Variants in FER observed in about 807,000 individuals in gnomAD.
FER encodes FER tyrosine kinase, also known as tyrosine-protein kinase Fer.
Under a neutral mutation model 111.0 loss-of-function variants are expected in FER, and 63 were observed. The ratio of observed to expected loss-of-function variants is 0.57; its 90% CI spans 0.46 to 0.70. The LOEUF (loss-of-function observed/expected upper bound fraction) is 0.70. Ranked by LOEUF, FER falls within the 30% of genes least tolerant of loss-of-function variation. FER has a pLI of 0.00. For missense variants in FER, 914 were observed against 954.0 expected (o/e 0.96, Z 0.55); for synonymous variants, 327 against 313.9 (o/e 1.04, Z -0.44).
At chr5:108,952,304 A>AT (rs1056497250) in intron 11 of FER, among the ~76,000 whole-genome samples, 6 of 140,622 alleles carry the variant, frequency 4.3e-5, no homozygotes, top group East Asian at 4.3e-4. Flanking sequence ...GGGATGTTAC[A>AT]TTTTTTTTGC....
intron 16 of FER, among the ~76,000 whole-genome samples, chr5:109,077,602 T>G (rs1319763630): frequency 6.6e-6 from 1 of 152,198 alleles, no homozygotes; most frequent in Admixed American, 6.5e-5. Context: ...CTTTGTAAAC[T>G]CTGTCATTAA....
At chr5:108,827,934 A>C (rs571472204) in intron 3 of FER, among the ~76,000 whole-genome samples, 3 of 151,186 alleles carry the variant, frequency 2.0e-5, no homozygotes, top group African/African-American at 2.4e-5. Context: ...GCTTAAGGGA[A>C]TCTTCCAACC....
At chr5:108,977,961 T>C (rs1387061197) in intron 13 of FER, among the ~76,000 whole-genome samples, 1 of 152,296 alleles carries the variant, frequency 6.6e-6, no homozygotes, top group East Asian at 1.9e-4. Context: ...TCCTCCTGCC[T>C]CAGCCTCCCG....
intron 1 of FER, among the ~76,000 whole-genome samples, chr5:108,749,814 CT>C (rs1280203174): frequency 6.6e-6 from 1 of 152,152 alleles, no homozygotes; most frequent in Non-Finnish European, 1.5e-5. Context: ...ACAGTTACCC[CT>C]AGGATCTACT....
intron 17 of FER, among the ~76,000 whole-genome samples, chr5:109,106,028 C>G (rs1430326974): frequency 6.6e-6 from 1 of 152,164 alleles, no homozygotes; most frequent in Admixed American, 6.5e-5. Context: ...ATATTAAAAA[C>G]AAGTGGTAGT....
intron 17 of FER, among the ~76,000 whole-genome samples, chr5:109,141,197 C>CT (rs1561947031): frequency 6.6e-6 from 1 of 152,084 alleles, no homozygotes; most frequent in Non-Finnish European, 1.5e-5. Context: ...CAAAGATTTC[C>CT]TTTTTTGAAA....
chr5:109,186,427 G>C (rs1394577621), intron 19 of FER, 105 bp downstream of exon 19: 1 of 1,535,886 alleles, frequency 6.5e-7, no homozygotes. Context: ...CTGTTTGGTT[G>C]TGTTATGAGA....
At chr5:108,973,567 C>T (rs939892908) in intron 13 of FER, among the ~76,000 whole-genome samples, 15 of 151,690 alleles carry the variant, frequency 9.9e-5, no homozygotes, top group African/African-American at 3.6e-4. Context: ...AGCAGGAATA[C>T]CCATAGAGAG....
Position 109,103,712 on chromosome 5 carries a change from G to A in FER, c.2048+3193G>A, listed in dbSNP as rs553028491. On this transcript the variant is annotated intron_variant, in intron 17 of 19. Coordinates refer to ENST00000281092, the MANE Select transcript of FER (RefSeq NM_005246.4). ...CTTTATGAACTGTTTGAAATACACT[G>A]ATAAACTTTGTGGTGTGTGTATGTT... Among the ~76,000 whole-genome samples the A allele has an allele frequency of 3.7e-4, 57 of 152,258 alleles. No individual in the cohort carries two copies. In the East Asian group the frequency reaches 7.9e-3, roughly 21 times the overall value.
intron 17 of FER, among the ~76,000 whole-genome samples, chr5:109,113,788 T>G (rs1194576132): frequency 6.6e-6 from 1 of 152,122 alleles, no homozygotes; most frequent in African/African-American, 2.4e-5. Flanking sequence ...CAAAGTATGT[T>G]TTACCTTTAT....
intron 10 of FER, among the ~76,000 whole-genome samples, chr5:108,902,819 G>A (rs1301018314): frequency 6.6e-6 from 1 of 152,060 alleles, no homozygotes; most frequent in Non-Finnish European, 1.5e-5. Flanking sequence ...GAGCAAATTA[G>A]GAGGGTGAAC....
At chr5:108,801,592 C>G (rs529537731) in intron 3 of FER, among the ~76,000 whole-genome samples, 1 of 152,310 alleles carries the variant, frequency 6.6e-6, no homozygotes, top group Non-Finnish European at 1.5e-5. Context: ...AAGCACTTAT[C>G]ACGTACTATG....
At chr5:108,805,162 G>A (rs1757065614) in intron 3 of FER, among the ~76,000 whole-genome samples, 1 of 151,914 alleles carries the variant, frequency 6.6e-6, no homozygotes, top group African/African-American at 2.4e-5. Flanking sequence ...TCTTTCCTGG[G>A]CTGTTCTCGT....
chr5:109,050,738 C>G (rs1258382179), intron 16 of FER, among the ~76,000 whole-genome samples: 1 of 152,066 alleles, frequency 6.6e-6, no homozygotes, highest in South Asian at 2.1e-4. Flanking sequence ...AAACTGATAC[C>G]AAGAATAAAA....
chr5:109,142,080 A>G (rs758411963), intron 17 of FER, among the ~76,000 whole-genome samples: 2 of 152,090 alleles, frequency 1.3e-5, no homozygotes, highest in Non-Finnish European at 2.9e-5. Flanking sequence ...CTCCCTTCAC[A>G]TAGTAACTTT....
chr5:108,941,682 G>A (rs1419479171), intron 10 of FER, among the ~76,000 whole-genome samples: 1 of 152,136 alleles, frequency 6.6e-6, no homozygotes, highest in African/African-American at 2.4e-5. Context: ...TTACACAGTT[G>A]TTTACTGAGC....
At chr5:108,950,926 A>G (rs1757643842) in intron 11 of FER, among the ~76,000 whole-genome samples, 1 of 151,916 alleles carries the variant, frequency 6.6e-6, no homozygotes, top group Non-Finnish European at 1.5e-5. Context: ...CAAAATTCCT[A>G]AGTAATACAT....
chr5:108,959,286 A>G lies in FER; in HGVS notation c.1595A>G (p.Tyr532Cys). 2 of 1,612,154 alleles carry G rather than the reference A, an allele frequency of 1.2e-6. No individual in the cohort carries two copies. The highest frequency in any genetic ancestry group is 2.2e-5 in the East Asian group (1 of 44,702). ...ATTCCTCAACTTATAGATCATCACTATACAACAAAACAGGTCATCACTAAG... is the reference window on the plus strand; with the variant it reads ...ATTCCTCAACTTATAGATCATCACTGTACAACAAAACAGGTCATCACTAAG... ...SNIPQLIDHH[Y>C]TTKQVITKKS... Residue 532 changes from tyrosine to cysteine, a missense_variant, in exon 13 of 20, where the codon TAT becomes TGT. Physicochemically the swap from Tyr to Cys is radical, Grantham distance 194. This residue lies in a region of FER where 774 missense variants were observed against 782.6 expected (regional missense o/e 0.99). Coordinates refer to ENST00000281092, the MANE Select transcript of FER (RefSeq NM_005246.4).
chr5:108,780,986 C>A (rs996748529), intron 2 of FER, among the ~76,000 whole-genome samples: 3 of 152,026 alleles, frequency 2.0e-5, no homozygotes, highest in Non-Finnish European at 4.4e-5. Context: ...TGTTTTTGAT[C>A]TCTGGTGTTT....
Sources: gnomAD v4.1 joint callset for allele counts (sites outside exome capture counted in the v4.1 genomes callset) on GRCh38, gnomAD v4.1.1 for gene constraint, gnomAD v4.1.1 regional missense constraint, MANE v1.5 for transcripts, NCBI Gene and HGNC (gene_info 2026-07-23, HGNC 2026-07-21) for gene names.